The following KIF6 variants were observed in gnomAD, a reference collection of about 807,000 sequenced individuals.
KIF6 encodes the protein kinesin family member 6.
Under a neutral mutation model 112.7 loss-of-function variants are expected in KIF6, and 106 were observed. The observed-to-expected ratio is 0.94, with a 90% CI of 0.80 to 1.11. The LOEUF (loss-of-function observed/expected upper bound fraction) is 1.11. KIF6 is among the 50% of genes least tolerant of loss of function. The pLI, the probability that KIF6 is intolerant of heterozygous loss-of-function variation, is 0.00. For missense variants in KIF6, 929 were observed against 964.0 expected, an observed-to-expected ratio of 0.96 and a Z score of 0.48; for synonymous variants, 339 against 339.9, an observed-to-expected ratio of 1.00 and a Z score of 0.03.
chr6:39,621,776 A>C (rs958526116), intron 5 of KIF6, among the ~76,000 whole-genome samples: 1 of 152,190 alleles, frequency 6.6e-6, no homozygotes, highest in African/African-American at 2.4e-5. Context: ...TTTCACTATT[A>C]TTTTAATAAC....
chr6:39,538,882 C>T (rs1419493391), intron 13 of KIF6, among the ~76,000 whole-genome samples: 1 of 150,358 alleles, frequency 6.7e-6, no homozygotes, highest in Non-Finnish European at 1.5e-5. Context: ...GAATACTATG[C>T]AGCCATAAAA....
Position 39,360,542 on chromosome 6 carries a change from T to A in KIF6, c.1947-12A>T. ...ACATTGTTTTATACCTGCGGTGGAA[T>A]CGGGGAAGAGTCAGGGCACTGCTGT... On this transcript the variant is annotated splice_polypyrimidine_tract_variant and intron_variant, in intron 17 of 22. Coordinates refer to ENST00000287152, the MANE Select transcript of KIF6 (RefSeq NM_145027.6). The A allele has an allele frequency of 1.2e-6, 2 of 1,614,152 alleles. No homozygotes were observed. The highest frequency in any genetic ancestry group is 1.7e-6 in the Non-Finnish European group (2 of 1,180,008).
intron 5 of KIF6, among the ~76,000 whole-genome samples, chr6:39,616,868 A>G (rs1783549257): frequency 6.6e-6 from 1 of 152,186 alleles, no homozygotes; most frequent in Non-Finnish European, 1.5e-5. Context: ...GAAGGAAATA[A>G]GGACCATTAC....
At chr6:39,502,969 T>G (rs1776217197) in intron 13 of KIF6, among the ~76,000 whole-genome samples, 1 of 152,130 alleles carries the variant, frequency 6.6e-6, no homozygotes, top group African/African-American at 2.4e-5. Flanking sequence ...GGACCTCAAC[T>G]CAGCTCTGGA....
At chr6:39,706,793 A>C (rs574522540) in intron 3 of KIF6, among the ~76,000 whole-genome samples, 3 of 152,344 alleles carry the variant, frequency 2.0e-5, no homozygotes, top group South Asian at 4.1e-4. Flanking sequence ...TGGAAAAAAA[A>C]CAAAATGTCA....
intron 5 of KIF6, among the ~76,000 whole-genome samples, chr6:39,625,018 G>C (rs1325148606): frequency 1.4e-5 from 2 of 139,630 alleles, no homozygotes; most frequent in Non-Finnish European, 3.0e-5. Context: ...GATGGTATTA[G>C]TATCCTTATA....
intron 3 of KIF6, among the ~76,000 whole-genome samples, chr6:39,693,480 G>A (rs547820409): frequency 3.7e-4 from 56 of 152,234 alleles, no homozygotes; most frequent in African/African-American, 9.9e-4. Flanking sequence ...AGCTCTATGT[G>A]GTGTGTGTAA....
At chr6:39,503,264 G>A (rs997824558) in intron 13 of KIF6, among the ~76,000 whole-genome samples, 6 of 152,118 alleles carry the variant, frequency 3.9e-5, no homozygotes, top group Non-Finnish European at 1.5e-5. Context: ...TGAAATTAAG[G>A]CAGAGATCAA....
chr6:39,712,149 G>C (rs986030229), intron 3 of KIF6, among the ~76,000 whole-genome samples: 1 of 152,012 alleles, frequency 6.6e-6, no homozygotes, highest in African/African-American at 2.4e-5. Context: ...AAGATAAACT[G>C]GTTAAAGTAA....
chr6:39,596,601 CT>C (rs1782281666), intron 6 of KIF6, among the ~76,000 whole-genome samples: 1 of 152,082 alleles, frequency 6.6e-6, no homozygotes. Context: ...TAATGTTAAT[CT>C]CATGGGAAAA....
intron 5 of KIF6, among the ~76,000 whole-genome samples, chr6:39,630,016 G>C (rs115660400): frequency 0.024 from 3,660 of 151,996 alleles, 153 homozygotes; most frequent in African/African-American, 0.082. Context: ...GTCTATTTCT[G>C]GGCTCCCTAT....
intron 10 of KIF6, among the ~76,000 whole-genome samples, chr6:39,562,051 G>T (rs140724934): frequency 1.3e-5 from 2 of 152,288 alleles, no homozygotes; most frequent in Admixed American, 6.5e-5. Flanking sequence ...TGACCCAAAG[G>T]GTGGCTAATA....
At chr6:39,468,828 G>A (rs1773953422) in intron 13 of KIF6, among the ~76,000 whole-genome samples, 6 of 151,612 alleles carry the variant, frequency 4.0e-5, no homozygotes, top group Admixed American at 3.9e-4. Flanking sequence ...TAGTATAATT[G>A]CATATTTCTT....
intron 13 of KIF6, 149 bp from the exon 14 acceptor site, chr6:39,431,310 C>T: frequency 1.7e-6 from 1 of 591,590 alleles, no homozygotes; most frequent in South Asian, 2.1e-5. Context: ...CCAGGCTCTT[C>T]CAGCTGGCTG....
chr6:39,565,110 G>C (rs139389306), intron 10 of KIF6, among the ~76,000 whole-genome samples: 1 of 138,390 alleles, frequency 7.2e-6, no homozygotes, highest in Non-Finnish European at 1.5e-5. Context: ...CTGAGAGAGC[G>C]TAGGCTTGCT....
At chr6:39,529,817 CTCT>C (rs1472076818) in intron 13 of KIF6, among the ~76,000 whole-genome samples, 1 of 152,192 alleles carries the variant, frequency 6.6e-6, no homozygotes, top group Non-Finnish European at 1.5e-5. Flanking sequence ...ATAGACATTC[CTCT>C]TAAGAAGACA....
intron 4 of KIF6, among the ~76,000 whole-genome samples, chr6:39,638,859 A>C (rs724101): frequency 0.07 from 10,688 of 152,098 alleles, 422 homozygotes; most frequent in Middle Eastern, 0.11. Flanking sequence ...CATTACGGGG[A>C]ATTTGTTTGA....
intron 3 of KIF6, among the ~76,000 whole-genome samples, chr6:39,682,192 G>C (rs79529775): frequency 6.6e-6 from 1 of 152,132 alleles, no homozygotes; most frequent in East Asian, 1.9e-4. Flanking sequence ...GTTATGCATC[G>C]CTAAACAATA....
chr6:39,695,594 A>G (rs944541155), intron 3 of KIF6, among the ~76,000 whole-genome samples: 11 of 152,184 alleles, frequency 7.2e-5, no homozygotes, highest in African/African-American at 2.7e-4. Context: ...CAAAACTACA[A>G]TAGGATACCA....
Sources: gnomAD v4.1 joint callset for allele counts (sites outside exome capture counted in the v4.1 genomes callset) on GRCh38, gnomAD v4.1.1 for gene constraint, MANE v1.5 for transcripts, NCBI Gene and HGNC (gene_info 2026-07-23, HGNC 2026-07-21) for gene names.